RALA: variants seen among roughly 807,000 people sequenced by gnomAD.
The protein encoded by RALA is RAS like proto-oncogene A.
A neutral mutation model predicts 24.0 loss-of-function variants in RALA; 5 were observed. The ratio of observed to expected loss-of-function variants is 0.21; its 90% CI spans 0.11 to 0.44. The LOEUF (loss-of-function observed/expected upper bound fraction) is 0.44. Ranked by LOEUF, RALA falls within the 20% of genes least tolerant of loss-of-function variation. The probability of loss-of-function intolerance (pLI) is 0.99; values close to 1 mark genes in which losing one functional copy is unlikely to be tolerated. For missense variants in RALA, 95 were observed against 241.2 expected, an observed-to-expected ratio of 0.39 and a Z score of 4.01; for synonymous variants, 77 against 83.8, an observed-to-expected ratio of 0.92 and a Z score of 0.44.
chr7:39,705,187 C>T (rs1489862903), intron 4 of RALA, among the ~76,000 whole-genome samples: 1 of 152,164 alleles, frequency 6.6e-6, no homozygotes, highest in Non-Finnish European at 1.5e-5. Flanking sequence ...ACACAGGTAG[C>T]GCTCCATCTG....
intron 1 of RALA, among the ~76,000 whole-genome samples, chr7:39,666,245 AG>A (rs2116010205): frequency 6.6e-6 from 1 of 152,322 alleles, no homozygotes; most frequent in Admixed American, 6.5e-5. Context: ...AGGGCCACAA[AG>A]GTGACATTTT....
intron 1 of RALA, among the ~76,000 whole-genome samples, chr7:39,670,738 A>C (rs367747805): frequency 6.6e-6 from 1 of 152,194 alleles, no homozygotes; most frequent in East Asian, 1.9e-4. Context: ...TTCAGGTTCT[A>C]CCCTGTTACT....
At chr7:39,626,704 A>G (rs1160371666) in intron 1 of RALA, among the ~76,000 whole-genome samples, 8 of 152,200 alleles carry the variant, frequency 5.3e-5, no homozygotes, top group African/African-American at 1.9e-4. Context: ...GTGTTTGATT[A>G]GTGCTTTTTA....
intron 1 of RALA, among the ~76,000 whole-genome samples, chr7:39,672,639 T>A (rs1468350936): frequency 8.8e-6 from 1 of 113,668 alleles, no homozygotes; most frequent in Non-Finnish European, 1.7e-5. Flanking sequence ...AATGGAATAC[T>A]ATTCAGTCGT....
intron 2 of RALA, among the ~76,000 whole-genome samples, chr7:39,687,963 A>G (rs531578056): frequency 3.9e-5 from 6 of 152,130 alleles, no homozygotes; most frequent in African/African-American, 1.2e-4. Flanking sequence ...TTAAATAGAG[A>G]CCAGGTTCTC....
chr7:39,682,414 C>G (rs1235508787), intron 1 of RALA, among the ~76,000 whole-genome samples: 1 of 152,246 alleles, frequency 6.6e-6, no homozygotes, highest in Non-Finnish European at 1.5e-5. Context: ...TGTCCATTCT[C>G]TACACACCAA....
Position 39,685,700 on chromosome 7 carries a change from A to T in RALA, c.-37-931A>T, listed in dbSNP as rs559850333. ...TCCAAGCATTTAAGTTAGATTGGCC[A>T]GCCATCCCAAGAAACAGATGTTCCA... is the stretch of plus-strand genomic sequence containing the variant. On this transcript the variant is annotated intron_variant, in intron 1 of 4. Transcript: ENST00000005257. 1.1e-4 allele frequency among the ~76,000 whole-genome samples: 16 copies of T among 151,830 alleles called. No homozygotes were observed. In the East Asian group the frequency reaches 2.9e-3, roughly 28 times the overall value.
At chr7:39,701,253 A>G (rs1793021898) in intron 4 of RALA, among the ~76,000 whole-genome samples, 1 of 152,184 alleles carries the variant, frequency 6.6e-6, no homozygotes, top group African/African-American at 2.4e-5. Context: ...CACCACACCT[A>G]TAATCCCTGC....
At chr7:39,675,316 TG>T (rs2116036077) in intron 1 of RALA, among the ~76,000 whole-genome samples, 1 of 152,338 alleles carries the variant, frequency 6.6e-6, no homozygotes, top group Admixed American at 6.5e-5. Flanking sequence ...TGAGGTCAGG[TG>T]TAGAATTTTC....
At chr7:39,659,616 G>A (rs2115991267) in intron 1 of RALA, among the ~76,000 whole-genome samples, 1 of 152,304 alleles carries the variant, frequency 6.6e-6, no homozygotes, top group African/African-American at 2.4e-5. Flanking sequence ...TCTTTGAACA[G>A]CATCTGTCTC....
chr7:39,664,256 A>C (rs933501597), intron 1 of RALA, among the ~76,000 whole-genome samples: 7 of 152,288 alleles, frequency 4.6e-5, no homozygotes, highest in African/African-American at 1.4e-4. Context: ...GCTAATCCCC[A>C]AGTCTTGAAA....
chr7:39,627,061 ATC>A (rs200371195), intron 1 of RALA, among the ~76,000 whole-genome samples: 11 of 148,644 alleles, frequency 7.4e-5, no homozygotes, highest in African/African-American at 2.2e-4. Flanking sequence ...GAATGTGTCC[ATC>A]TCTCTCTCTC....
intron 1 of RALA, among the ~76,000 whole-genome samples, chr7:39,662,941 T>C (rs1351460733): frequency 6.6e-6 from 1 of 152,214 alleles, no homozygotes; most frequent in East Asian, 1.9e-4. Flanking sequence ...AGACTCACAG[T>C]TTCCTGTGGC....
At chr7:39,627,855 CTT>C (rs928869334) in intron 1 of RALA, among the ~76,000 whole-genome samples, 1 of 152,222 alleles carries the variant, frequency 6.6e-6, no homozygotes, top group Non-Finnish European at 1.5e-5. Context: ...TTAAAATCCT[CTT>C]GTGGCTCTTT....
chr7:39,690,022 T>C (rs1330364120), intron 2 of RALA, among the ~76,000 whole-genome samples: 2 of 152,206 alleles, frequency 1.3e-5, no homozygotes, highest in African/African-American at 4.8e-5. Flanking sequence ...TTTAAGTTAT[T>C]TCCACAGTTC....
chr7:39,702,843 A>C (rs1290544055), intron 4 of RALA: 1 of 152,218 alleles, frequency 6.6e-6, no homozygotes, highest in Non-Finnish European at 1.5e-5. Context: ...AACAGAGAAT[A>C]CTAGAGGCTG....
intron 1 of RALA, among the ~76,000 whole-genome samples, chr7:39,675,519 C>A (rs1792468713): frequency 6.6e-6 from 1 of 152,118 alleles, no homozygotes; most frequent in Non-Finnish European, 1.5e-5. Context: ...ATCGCTCGAG[C>A]CCAGGCGTTC....
At chr7:39,656,974 T>C (rs909263688) in intron 1 of RALA, among the ~76,000 whole-genome samples, 1 of 152,194 alleles carries the variant, frequency 6.6e-6, no homozygotes, top group African/African-American at 2.4e-5. Flanking sequence ...TTTTTTGTTT[T>C]GTTTTGTTTT....
intron 3 of RALA, 70 bp downstream of exon 3, chr7:39,690,660 C>CAA: frequency 1.6e-6 from 2 of 1,229,778 alleles, no homozygotes; most frequent in Non-Finnish European, 2.3e-6. Context: ...AACAAGTAGA[C>CAA]AACTAGAGGT....
Sources: allele counts gnomAD v4.1 joint callset (sites outside exome capture counted in the v4.1 genomes callset), GRCh38; gene constraint gnomAD v4.1.1; transcripts MANE v1.5; gene names NCBI Gene and HGNC (gene_info 2026-07-23, HGNC 2026-07-21).